The following DLGAP2 variants were observed in gnomAD, a reference collection of about 807,000 sequenced individuals.
DLGAP2 encodes the protein DLG associated protein 2.
DLGAP2 carries 26 observed loss-of-function variants against 100.3 expected under a neutral mutation model. The ratio of observed to expected loss-of-function variants is 0.26; its 90% confidence interval spans 0.19 to 0.36. The LOEUF (loss-of-function observed/expected upper bound fraction) is 0.36, where lower values mean the gene tolerates loss of function less well. Ranked by LOEUF, DLGAP2 falls within the 10% of genes least tolerant of loss-of-function variation. DLGAP2 has a pLI of 1.00. For synonymous variants in DLGAP2, 886 were observed against 630.1 expected, an observed-to-expected ratio of 1.41 and a Z score of -6.08; for missense variants, 1,858 against 1,453.2, an observed-to-expected ratio of 1.28 and a Z score of -4.53.
At chr8:1,296,988 C>T (rs958915133) in intron 3 of DLGAP2, 1 of 152,380 alleles carries the variant, frequency 6.6e-6, no homozygotes, top group Non-Finnish European at 1.5e-5. Context: ...GAACTGGAGA[C>T]CTCAGGGCCT....
At chr8:1,697,902 AG>A (rs1243883680) in intron 14 of DLGAP2, among the ~76,000 whole-genome samples, 1 of 152,250 alleles carries the variant, frequency 6.6e-6, no homozygotes, top group Admixed American at 6.5e-5. Flanking sequence ...TGTCATCAGA[AG>A]AACTAGTAGA....
At chr8:1,579,880 T>C (rs921194279) in intron 6 of DLGAP2, among the ~76,000 whole-genome samples, 7 of 152,186 alleles carry the variant, frequency 4.6e-5, no homozygotes, top group African/African-American at 1.7e-4. Context: ...CATGCGCTGC[T>C]ACCACCCTCA....
At chr8:1,156,064 C>T (rs755883286) in intron 2 of DLGAP2, among the ~76,000 whole-genome samples, 4 of 152,168 alleles carry the variant, frequency 2.6e-5, no homozygotes, top group Non-Finnish European at 5.9e-5. Flanking sequence ...GATGCCCCTC[C>T]CGCCATTAAG....
chr8:757,953 G>A (rs546864174), intron 1 of DLGAP2, among the ~76,000 whole-genome samples: 1 of 152,204 alleles, frequency 6.6e-6, no homozygotes, highest in African/African-American at 2.4e-5. Context: ...TGGGGCAAGT[G>A]TGTGGGGTTG....
intron 1 of DLGAP2, among the ~76,000 whole-genome samples, chr8:860,766 C>T (rs1368995785): frequency 6.6e-6 from 1 of 152,174 alleles, no homozygotes; most frequent in Non-Finnish European, 1.5e-5. Flanking sequence ...GTGATGGAGA[C>T]ACGGCAGGTA....
Position 1,691,537 on chromosome 8 carries a change from C to A in DLGAP2, c.2707C>A (p.Leu903Ile). 1.2e-6 allele frequency: 2 copies of A among 1,613,102 alleles called. No homozygotes were observed. Among genetic ancestry groups the A allele is most frequent in the East Asian group, 2.2e-5 (1 of 44,886 alleles). The change falls in exon 13 of 15, where the codon CTC becomes ATC. Residue 903 changes from leucine (L) to isoleucine (I), a missense_variant and splice_region_variant. Coordinates refer to ENST00000637795, the MANE Select transcript of DLGAP2 (RefSeq NM_001346810.2). ...GTTTTTGTTTTTGTTTTAAACAGTT[C>A]TCGGTAAAATCAGGAGTGCTGTTGG... The part of the protein sequence containing the change: ...AEENDLSEEI[L>I]GKIRSAVGSA...
At chr8:1,388,506 G>T (rs1240244774) in intron 3 of DLGAP2, among the ~76,000 whole-genome samples, 6 of 60,762 alleles carry the variant, frequency 9.9e-5, no homozygotes, top group South Asian at 7.2e-4. Flanking sequence ...GAGAGGCAGA[G>T]GCCGTGGATG....
chr8:847,031 G>A (rs1212947530), intron 1 of DLGAP2, among the ~76,000 whole-genome samples: 10 of 152,170 alleles, frequency 6.6e-5, no homozygotes, highest in African/African-American at 2.2e-4. Context: ...TTTGATTACT[G>A]TGGAATAGTT....
chr8:1,311,725 A>G (rs36038225), intron 3 of DLGAP2, among the ~76,000 whole-genome samples: 20,862 of 152,064 alleles, frequency 0.14, 1,837 homozygotes, highest in South Asian at 0.18. Flanking sequence ...ACTCTTATAA[A>G]ATTAGAAGTA....
intron 6 of DLGAP2, 60 bp from the exon 7 acceptor site, chr8:1,626,680 C>T: frequency 6.5e-7 from 1 of 1,548,458 alleles, no homozygotes; most frequent in Non-Finnish European, 8.7e-7. Flanking sequence ...TGGTCATTCC[C>T]ACCTCTGCCC....
chr8:1,039,772 G>T (rs1245148679), intron 2 of DLGAP2, among the ~76,000 whole-genome samples: 1 of 141,018 alleles, frequency 7.1e-6, no homozygotes, highest in African/African-American at 2.7e-5. Flanking sequence ...CGGTGTGTGT[G>T]GTTGGCTCGG....
At chr8:1,166,207 A>G (rs1429601918) in intron 2 of DLGAP2, among the ~76,000 whole-genome samples, 1 of 152,174 alleles carries the variant, frequency 6.6e-6, no homozygotes, top group Non-Finnish European at 1.5e-5. Flanking sequence ...TATTTTAAAC[A>G]AATGCCTGCA....
intron 2 of DLGAP2, among the ~76,000 whole-genome samples, chr8:974,011 G>A (rs1202264452): frequency 6.6e-6 from 1 of 152,020 alleles, no homozygotes; most frequent in Non-Finnish European, 1.5e-5. Context: ...ACAGAATATT[G>A]AAGAACTGTA....
At chr8:1,005,412 T>TC in intron 2 of DLGAP2, among the ~76,000 whole-genome samples, 1 of 114,576 alleles carries the variant, frequency 8.7e-6, no homozygotes, top group East Asian at 2.6e-4. Context: ...CTTGTTTTTT[T>TC]TTTTTTTTTT....
intron 4 of DLGAP2, among the ~76,000 whole-genome samples, chr8:1,508,364 C>A (rs1228425584): frequency 2.0e-5 from 1 of 50,078 alleles, no homozygotes; most frequent in Non-Finnish European, 3.9e-5. Context: ...ACCCCCGCCA[C>A]CCCCTGCAAA....
At chr8:1,253,605 T>C (rs979183800) in intron 2 of DLGAP2, among the ~76,000 whole-genome samples, 3 of 152,180 alleles carry the variant, frequency 2.0e-5, no homozygotes, top group Non-Finnish European at 2.9e-5. Context: ...GGGCGTTTGC[T>C]GTTCACGTGT....
intron 4 of DLGAP2, among the ~76,000 whole-genome samples, chr8:1,515,710 A>G (rs1195168545): frequency 1.3e-5 from 2 of 152,214 alleles, no homozygotes; most frequent in Non-Finnish European, 1.5e-5. Flanking sequence ...GCAGACACAC[A>G]AACACATGCA....
chr8:1,268,027 G>A (rs1417851603), intron 3 of DLGAP2, among the ~76,000 whole-genome samples: 2 of 152,176 alleles, frequency 1.3e-5, no homozygotes, highest in African/African-American at 4.8e-5. Context: ...AAACGGGGAT[G>A]AATTGAACAT....
At chr8:1,243,981 G>T (rs1563276412) in intron 2 of DLGAP2, among the ~76,000 whole-genome samples, 1 of 152,028 alleles carries the variant, frequency 6.6e-6, no homozygotes, top group Non-Finnish European at 1.5e-5. Context: ...CTCCACCATA[G>T]GGATGGTGAG....
Sources: allele counts gnomAD v4.1 joint callset (sites outside exome capture counted in the v4.1 genomes callset), GRCh38; gene constraint gnomAD v4.1.1; transcripts MANE v1.5; gene names NCBI Gene and HGNC (gene_info 2026-07-23, HGNC 2026-07-21).